Variants in SNX30 observed in about 807,000 individuals in gnomAD.
SNX30 encodes the protein sorting nexin family member 30.
Under a neutral mutation model 46.4 loss-of-function variants are expected in SNX30, and 24 were observed. That is an observed-to-expected ratio of 0.52 (90% confidence interval 0.37 to 0.73). The LOEUF (loss-of-function observed/expected upper bound fraction) is 0.73. Ranked by LOEUF, SNX30 falls within the 30% of genes least tolerant of loss-of-function variation. The pLI is 0.00. For synonymous variants in SNX30, 189 were observed against 211.5 expected, an observed-to-expected ratio of 0.89 and a Z score of 0.92; for missense variants, 533 against 555.7, an observed-to-expected ratio of 0.96 and a Z score of 0.41.
intron 1 of SNX30, among the ~76,000 whole-genome samples, chr9:112,755,367 G>T (rs1291674480): frequency 6.6e-6 from 1 of 152,198 alleles, no homozygotes; most frequent in African/African-American, 2.4e-5. Flanking sequence ...CTAGAGGCCA[G>T]TGTGGCCAGG....
intron 7 of SNX30, among the ~76,000 whole-genome samples, chr9:112,858,523 T>TA (rs1389212038): frequency 6.6e-6 from 1 of 152,000 alleles, no homozygotes; most frequent in Non-Finnish European, 1.5e-5. Context: ...CAAAAATAAA[T>TA]AAAAAATAAA....
chr9:112,877,301 C>G (rs10759603), downstream of SNX30: 136,684 of 152,276 alleles, frequency 0.9, 61,554 homozygotes, highest in East Asian at 1. Context: ...TTATATAGCA[C>G]GGTCAATGTG....
rs374427003 is a variant in SNX30 at position 112,868,734 on chromosome 9, C to T, written c.1255-50C>T. On this transcript the variant is annotated intron_variant, in intron 8 of 8. Coordinates refer to ENST00000374232, the MANE Select transcript of SNX30 (RefSeq NM_001012994.2). ...GGTCAGAGCAGAATTGAAGCTGACC[C>T]GAAATCGGAAACTCAAAGCTGATAC... 15 of 1,607,186 alleles carry T rather than the reference C, an allele frequency of 9.3e-6. No homozygotes were observed. In the African/African-American group the frequency reaches 9.4e-5, roughly 10 times the overall value.
intron 2 of SNX30, among the ~76,000 whole-genome samples, chr9:112,814,428 AC>A (rs2131416647): frequency 6.6e-6 from 1 of 152,104 alleles, no homozygotes; most frequent in East Asian, 1.9e-4. Context: ...TTTTGTAGAG[AC>A]AGGGTTTTGC....
intron 1 of SNX30, among the ~76,000 whole-genome samples, chr9:112,762,258 T>C (rs2131352063): frequency 6.6e-6 from 1 of 151,418 alleles, no homozygotes; most frequent in East Asian, 2.0e-4. Flanking sequence ...AGTGGGATAG[T>C]GGAAAAGGTG....
At chr9:112,831,470 G>C (rs1021057080) in intron 4 of SNX30, among the ~76,000 whole-genome samples, 66 of 152,314 alleles carry the variant, frequency 4.3e-4, no homozygotes, top group Non-Finnish European at 7.1e-4. Context: ...GGAACAGAAG[G>C]AACATTTGAG....
rs1416339478 is a variant in SNX30, at chr9:112,755,504, T to C, written c.156+4347T>C. 2.6e-5 allele frequency among the ~76,000 whole-genome samples: 4 copies of C among 151,584 alleles called. No homozygotes were observed. In the East Asian group the frequency reaches 7.7e-4, roughly 29 times the overall value. ...AGGGCCATGGGGTGGGAAGTTAACA[T>C]GGGCAGGGGACATTTCAGGGTCTTG... On this transcript the variant is annotated intron_variant, in intron 1 of 8. Transcript: ENST00000374232.
rs1169764540 is a variant in SNX30, at chr9:112,874,618, T to TA, written c.*5782dup. 8.5e-5 allele frequency: 13 copies of TA among 152,172 alleles called. No homozygotes were observed. Among genetic ancestry groups the TA allele is most frequent in the South Asian group, 2.1e-4 (1 of 4,828 alleles). The allele number at this position is 152,172 out of a possible 1,614,324, so 9.4% of individuals were successfully genotyped here. On this transcript the variant is annotated 3_prime_UTR_variant, in exon 9 of 9. Coordinates refer to ENST00000374232, the MANE Select transcript of SNX30 (RefSeq NM_001012994.2). ...CATTATGCCAAAACAAAAGCTGTGA[T>TA]AAAAAAAGTGCTTGAGAGAGTGTGT...
At chr9:112,837,847 A>G (rs1840784541) in intron 5 of SNX30, among the ~76,000 whole-genome samples, 1 of 151,484 alleles carries the variant, frequency 6.6e-6, no homozygotes, top group African/African-American at 2.4e-5. Flanking sequence ...TTGCCTGTTA[A>G]AATACTGCTT....
intron 1 of SNX30, among the ~76,000 whole-genome samples, chr9:112,793,745 CAG>C (rs1009676974): frequency 6.6e-6 from 1 of 151,624 alleles, no homozygotes; most frequent in Non-Finnish European, 1.5e-5. Flanking sequence ...TCCTCATTTC[CAG>C]TATTGATATG....
intron 1 of SNX30, among the ~76,000 whole-genome samples, chr9:112,772,047 C>T (rs1839659520): frequency 6.6e-6 from 1 of 152,312 alleles, no homozygotes; most frequent in African/African-American, 2.4e-5. Flanking sequence ...CCATTTCATG[C>T]CCTTGCCCTC....
chr9:112,771,576 A>G (rs1266894113), intron 1 of SNX30, among the ~76,000 whole-genome samples: 4 of 152,190 alleles, frequency 2.6e-5, no homozygotes. Context: ...CCAGCCTTCA[A>G]GAGTATAGTC....
chr9:112,778,270 CT>C (rs1001151120), intron 1 of SNX30, among the ~76,000 whole-genome samples: 246 of 123,344 alleles, frequency 2.0e-3, no homozygotes, highest in African/African-American at 2.6e-3. Flanking sequence ...GGCCATATTC[CT>C]TTTTTTTTTT....
In SNX30 at chr9:112,832,451, AGAGAGAGAGT is replaced by A. The variant is rs1318070792; in HGVS notation, c.618+1570_618+1579del. On this transcript the variant is annotated intron_variant, in intron 4 of 8. Coordinates refer to ENST00000374232, the MANE Select transcript of SNX30 (RefSeq NM_001012994.2). ...AGGAAAGAGAGAGAGAGAGAGAGAG[AGAGAGAGAGT>A]GTGTGTGTGTGTGTGTGTGTGTGTG... Among the ~76,000 whole-genome samples, 96 of 129,986 alleles carry A rather than the reference AGAGAGAGAGT, an allele frequency of 7.4e-4. 1 individual carries two copies. In the East Asian group the frequency reaches 8.6e-3, roughly 12 times the overall value. The allele number at this position is 129,986 out of a possible 152,430, so 85.3% of individuals were successfully genotyped here.
intron 6 of SNX30, among the ~76,000 whole-genome samples, chr9:112,839,205 A>T (rs753304098): frequency 6.6e-6 from 1 of 152,234 alleles, no homozygotes; most frequent in East Asian, 1.9e-4. Flanking sequence ...GAGAACAGGG[A>T]AGACTGAGGG....
At chr9:112,775,542 T>TTTTGTGTG (rs1554749284) in intron 1 of SNX30, among the ~76,000 whole-genome samples, 2 of 131,412 alleles carry the variant, frequency 1.5e-5, no homozygotes, top group South Asian at 2.7e-4. Flanking sequence ...TATTTTAAAT[T>TTTTGTGTG]TGTGTGTGTG....
intron 7 of SNX30, among the ~76,000 whole-genome samples, chr9:112,851,942 A>G (rs1273925343): frequency 6.6e-6 from 1 of 152,204 alleles, no homozygotes; most frequent in East Asian, 1.9e-4. Flanking sequence ...TATACAAACA[A>G]ATCATCCTAT....
intron 1 of SNX30, among the ~76,000 whole-genome samples, chr9:112,764,395 T>A (rs1332055848): frequency 6.6e-6 from 1 of 152,168 alleles, no homozygotes; most frequent in Non-Finnish European, 1.5e-5. Context: ...TGCTGTTTTT[T>A]AAAGAGATGG....
intron 2 of SNX30, among the ~76,000 whole-genome samples, chr9:112,817,027 T>G (rs1384477990): frequency 6.6e-6 from 1 of 152,188 alleles, no homozygotes; most frequent in Non-Finnish European, 1.5e-5. Context: ...TGCAATGGCA[T>G]TTTTGTATTA....
Sources: gnomAD v4.1 joint callset for allele counts (sites outside exome capture counted in the v4.1 genomes callset) on GRCh38, gnomAD v4.1.1 for gene constraint, MANE v1.5 for transcripts, NCBI Gene and HGNC (gene_info 2026-07-23, HGNC 2026-07-21) for gene names.